The following NOSTRIN variants were observed in gnomAD, a reference collection of about 807,000 sequenced individuals.
NOSTRIN encodes the protein nitric oxide synthase trafficking.
NOSTRIN carries 63 observed loss-of-function variants against 59.0 expected under a neutral mutation model. The observed-to-expected ratio is 1.07, with a 90% confidence interval of 0.87 to 1.32. NOSTRIN has a LOEUF of 1.32. Among genes scored for constraint, NOSTRIN ranks in the 40% most tolerant of loss-of-function variants. NOSTRIN has a pLI of 0.00. For synonymous variants in NOSTRIN, 200 were observed against 165.4 expected, an observed-to-expected ratio of 1.21 and a Z score of -1.61; for missense variants, 512 against 473.1, an observed-to-expected ratio of 1.08 and a Z score of -0.76.
chr2:168,848,304 C>A (rs915337314), intron 8 of NOSTRIN, among the ~76,000 whole-genome samples: 1 of 152,194 alleles, frequency 6.6e-6, no homozygotes, highest in Admixed American at 6.5e-5. Flanking sequence ...ATGACTGGTG[C>A]CTGCAATTTT....
chr2:168,865,002 C>A lies in NOSTRIN; in HGVS notation c.*32C>A. ...ACTCTGAACATACTACCTTCACACTCGGTAATCAACAATACAGTGTGGTTC... is the reference window on the plus strand; with the variant it reads ...ACTCTGAACATACTACCTTCACACTAGGTAATCAACAATACAGTGTGGTTC... On this transcript the variant is annotated 3_prime_UTR_variant, in exon 16 of 16. Coordinates refer to ENST00000317647, the MANE Select transcript of NOSTRIN (RefSeq NM_001039724.4). 1 of 1,609,484 alleles carries A rather than the reference C, an allele frequency of 6.2e-7. No homozygotes were observed. Among genetic ancestry groups the A allele is most frequent in the South Asian group, 1.1e-5 (1 of 90,788 alleles).
At chr2:168,847,605 G>A (rs1688508096) in intron 8 of NOSTRIN, among the ~76,000 whole-genome samples, 1 of 152,200 alleles carries the variant, frequency 6.6e-6, no homozygotes, top group Non-Finnish European at 1.5e-5. Context: ...AGGAACGAAT[G>A]AAGAACAAAT....
intron 7 of NOSTRIN, among the ~76,000 whole-genome samples, chr2:168,837,394 C>T (rs562410204): frequency 7.0e-6 from 1 of 141,988 alleles, no homozygotes; most frequent in South Asian, 2.2e-4. Flanking sequence ...ACTGCAAGCT[C>T]CGCCTTCTGG....
intron 7 of NOSTRIN, among the ~76,000 whole-genome samples, chr2:168,840,082 G>A (rs1056489948): frequency 5.3e-5 from 8 of 151,592 alleles, no homozygotes; most frequent in Admixed American, 4.6e-4. Context: ...TCTCATTCCT[G>A]GGGTGCTGAG....
At chr2:168,811,790 G>A in intron 2 of NOSTRIN, 138 bp downstream of exon 2, 1 of 491,052 alleles carries the variant, frequency 2.0e-6, no homozygotes, top group Non-Finnish European at 3.6e-6. Context: ...TGCTTGAAGA[G>A]TGATTCTCCC....
At chr2:168,860,063 C>G (rs1264096486) in intron 13 of NOSTRIN, among the ~76,000 whole-genome samples, 2 of 152,248 alleles carry the variant, frequency 1.3e-5, no homozygotes, top group Admixed American at 6.5e-5. Context: ...ATGCTTGTAG[C>G]TATTTTTATT....
At chr2:168,813,948 A>C (rs1686276695) in intron 2 of NOSTRIN, among the ~76,000 whole-genome samples, 1 of 152,136 alleles carries the variant, frequency 6.6e-6, no homozygotes, top group South Asian at 2.1e-4. Flanking sequence ...ATTCCTGGTA[A>C]ATGTACATTT....
chr2:168,843,874 C>A (rs1688237445), intron 8 of NOSTRIN, among the ~76,000 whole-genome samples: 1 of 152,100 alleles, frequency 6.6e-6, no homozygotes, highest in African/African-American at 2.4e-5. Flanking sequence ...CATTTGTACT[C>A]CAAGAGTGAT....
At chr2:168,797,758 G>A (rs751627099), upstream of NOSTRIN, among the ~76,000 whole-genome samples, 20 of 151,716 alleles carry the variant, frequency 1.3e-4, no homozygotes, top group Admixed American at 2.6e-4. Context: ...CAGATGAATC[G>A]CTGGAGTTCA....
chr2:168,820,423 G>T (rs1452400971), intron 2 of NOSTRIN, among the ~76,000 whole-genome samples: 1 of 152,142 alleles, frequency 6.6e-6, no homozygotes, highest in Non-Finnish European at 1.5e-5. Context: ...CCTGTTTCTT[G>T]CCTAGGGAGA....
intron 7 of NOSTRIN, among the ~76,000 whole-genome samples, chr2:168,837,992 C>T (rs1293946661): frequency 1.3e-5 from 2 of 152,098 alleles, no homozygotes; most frequent in Non-Finnish European, 2.9e-5. Context: ...TCACTCTATT[C>T]TCTTCACCAT....
At chr2:168,805,518 A>G (rs1016777079) in intron 1 of NOSTRIN, among the ~76,000 whole-genome samples, 1 of 152,228 alleles carries the variant, frequency 6.6e-6, no homozygotes, top group Non-Finnish European at 1.5e-5. Context: ...GAATCCAATC[A>G]TAAGAAAGTA....
chr2:168,839,898 A>T (rs1438308612), intron 7 of NOSTRIN, among the ~76,000 whole-genome samples: 18 of 46,198 alleles, frequency 3.9e-4, no homozygotes, highest in African/African-American at 2.7e-3. Context: ...AAAAAAAAAA[A>T]AAATATATAT....
chr2:168,817,672 T>C (rs830028), intron 2 of NOSTRIN, among the ~76,000 whole-genome samples: 96,570 of 152,012 alleles, frequency 0.64, 31,130 homozygotes, highest in African/African-American at 0.75. Context: ...GAGCTGCCAT[T>C]GCTTACGTTT....
At chr2:168,800,484 C>T (rs911215676), upstream of NOSTRIN, among the ~76,000 whole-genome samples, 13 of 152,126 alleles carry the variant, frequency 8.5e-5, no homozygotes, top group East Asian at 1.9e-4. Context: ...GCCCTTACAA[C>T]GGCCCAGTGG....
chr2:168,828,307 T>C, intron 4 of NOSTRIN, 87 bp downstream of exon 4: 2 of 868,914 alleles, frequency 2.3e-6, no homozygotes, highest in East Asian at 4.8e-5. Context: ...CACTTCCAAC[T>C]TGCACTGAAT....
intron 2 of NOSTRIN, among the ~76,000 whole-genome samples, chr2:168,813,014 AC>A (rs35424978): frequency 0.24 from 35,813 of 152,112 alleles, 4,669 homozygotes; most frequent in East Asian, 0.3. Flanking sequence ...AAAAAGAGAA[AC>A]ATTTTAAATA....
intron 2 of NOSTRIN, among the ~76,000 whole-genome samples, chr2:168,823,458 C>T (rs149038541): frequency 6.6e-6 from 1 of 152,298 alleles, no homozygotes; most frequent in Non-Finnish European, 1.5e-5. Flanking sequence ...TGTTCTGTGC[C>T]TCTGTCCTGG....
At chr2:168,841,927 A>G (rs1185796098) in intron 7 of NOSTRIN, among the ~76,000 whole-genome samples, 1 of 152,194 alleles carries the variant, frequency 6.6e-6, no homozygotes, top group East Asian at 1.9e-4. Context: ...ATGCTAATAG[A>G]CTGTGTGGGG....
Sources: gnomAD v4.1 joint callset for allele counts (sites outside exome capture counted in the v4.1 genomes callset) on GRCh38, gnomAD v4.1.1 for gene constraint, MANE v1.5 for transcripts, NCBI Gene and HGNC (gene_info 2026-07-23, HGNC 2026-07-21) for gene names.